RSF1: variants seen among roughly 807,000 people sequenced by gnomAD.
The protein encoded by RSF1 is HBV pX-associated protein 8.
RSF1 carries 13 observed loss-of-function variants against 145.2 expected under a neutral mutation model. The ratio of observed to expected loss-of-function variants is 0.09; its 90% CI spans 0.06 to 0.14. RSF1 has a LOEUF of 0.14. Ranked by LOEUF, RSF1 falls within the 10% of genes least tolerant of loss-of-function variation. The pLI is 1.00. For synonymous variants in RSF1, 577 were observed against 592.6 expected (o/e 0.97, Z 0.38); for missense variants, 1,517 against 1,718.2 (o/e 0.88, Z 2.07).
At chr11:77,722,225 C>T (rs553814557) in intron 5 of RSF1, among the ~76,000 whole-genome samples, 43 of 152,136 alleles carry the variant, frequency 2.8e-4, no homozygotes, top group Non-Finnish European at 4.7e-4. Flanking sequence ...AAATGTCCTG[C>T]TCCTCCTCTT....
chr11:77,864,151 T>A, the RSF1 span, among the ~76,000 whole-genome samples: 1 of 152,238 alleles, frequency 6.6e-6, no homozygotes, highest in African/African-American at 2.4e-5. Context: ...GGTCTCGAAC[T>A]CCTGACCTCA....
At chr11:77,700,265 C>T (rs939067733) in intron 6 of RSF1, among the ~76,000 whole-genome samples, 21 of 139,812 alleles carry the variant, frequency 1.5e-4, no homozygotes, top group African/African-American at 3.4e-4. Context: ...GCAAGAGAAT[C>T]GCTTGAACCA....
At position 77,661,200 on chromosome 11, in the gene RSF1, A is replaced by T. The variant is rs1284811619; in HGVS notation, c.*5717T>A. On this transcript the variant is annotated 3_prime_UTR_variant, in exon 16 of 16. Transcript: ENST00000308488. ...TCAAGCCCTGCTCTACCACCATCTT[A>T]GCATAGGACATACCCTTTCAAAGTG... 6.6e-6 allele frequency: 1 copy of T among 152,168 alleles called. No homozygotes were observed. Among genetic ancestry groups the T allele is most frequent in the Non-Finnish European group, 1.5e-5 (1 of 68,024 alleles). The allele number at this position is 152,168 out of a possible 1,614,324, so 9.4% of individuals were successfully genotyped here.
At chr11:77,739,585 GTTA>G (rs1961457045) in intron 4 of RSF1, 1 of 152,066 alleles carries the variant, frequency 6.6e-6, no homozygotes, top group Admixed American at 6.5e-5. Context: ...TTTTCTACGG[GTTA>G]TTTTTTCAAA....
At chr11:77,827,153 C>T in the RSF1 span, among the ~76,000 whole-genome samples, 4 of 151,872 alleles carry the variant, frequency 2.6e-5, no homozygotes, top group South Asian at 2.1e-4. Context: ...CCTGGCCCCG[C>T]CCCCCTCAGA....
At chr11:77,855,599 G>A in the RSF1 span, 1 of 152,126 alleles carries the variant, frequency 6.6e-6, no homozygotes, top group Admixed American at 6.6e-5. Flanking sequence ...AAAGTGCTGG[G>A]ATTACAGGTG....
chr11:77,699,234 T>G (rs1442908927), intron 6 of RSF1, among the ~76,000 whole-genome samples: 1 of 152,206 alleles, frequency 6.6e-6, no homozygotes, highest in Non-Finnish European at 1.5e-5. Context: ...ATTTTAAATT[T>G]TAAATAAGCC....
intron 1 of RSF1, among the ~76,000 whole-genome samples, chr11:77,775,698 G>A (rs888617029): frequency 2.6e-5 from 4 of 152,220 alleles, no homozygotes; most frequent in African/African-American, 4.8e-5. Context: ...GCTTTGGGAG[G>A]CTGAGGAAGG....
the RSF1 span, among the ~76,000 whole-genome samples, chr11:77,835,600 C>T: frequency 2.0e-5 from 3 of 152,264 alleles, no homozygotes; most frequent in Middle Eastern, 3.4e-3. Context: ...TTTTCCTATG[C>T]ATTTCCTTAT....
Position 77,725,708 on chromosome 11 carries a change from G to A in RSF1, c.579-9C>T, listed in dbSNP as rs754640538. 2.6e-6 allele frequency: 4 copies of A among 1,553,190 alleles called. No individual in the cohort carries two copies. Among genetic ancestry groups the A allele is most frequent in the Admixed American group, 2.0e-5 (1 of 51,236 alleles). ...CCAACTCGTTTCGATTTCTAAACAA[G>A]GAAAAAAATAAGACAGCATAAAAAC... On this transcript the variant is annotated splice_polypyrimidine_tract_variant and intron_variant, in intron 4 of 15. Transcript: ENST00000308488.
In RSF1 at chr11:77,667,008, C is replaced by A; in HGVS notation, c.4235G>T (p.Gly1412Val). 1 of 1,612,906 alleles carries A rather than the reference C, an allele frequency of 6.2e-7. No homozygotes were observed. The highest frequency in any genetic ancestry group is 1.1e-5 in the South Asian group (1 of 91,046). Residue 1412 changes from glycine (G) to valine (V), a missense_variant, in exon 16 of 16, where the codon GGG (glycine) becomes GTG (valine). By Grantham distance (109) the Gly-to-Val change is moderately radical. Coordinates refer to ENST00000308488, the MANE Select transcript of RSF1 (RefSeq NM_016578.4). Reference protein sequence around the residue: ...ASLASNGTSGGQEAGAPEEEE... With the variant: ...ASLASNGTSGVQEAGAPEEEE... ...CTCTTCTGGTGCTCCTGCCTCCTGC[C>A]CACCACTTGTCCCATTGGAGGCTAG...
intron 8 of RSF1, among the ~76,000 whole-genome samples, chr11:77,693,174 C>T (rs1960199413): frequency 6.6e-6 from 1 of 151,820 alleles, no homozygotes; most frequent in Non-Finnish European, 1.5e-5. Flanking sequence ...TAGGTAGAAA[C>T]CAAAAAAGAG....
the RSF1 span, among the ~76,000 whole-genome samples, chr11:77,855,084 G>A: frequency 3.3e-5 from 5 of 152,130 alleles, no homozygotes; most frequent in East Asian, 1.9e-4. Flanking sequence ...TGGAGTGGCC[G>A]TGATGCAGGG....
chr11:77,738,503 T>G (rs913879462), intron 4 of RSF1, among the ~76,000 whole-genome samples: 2 of 152,156 alleles, frequency 1.3e-5, no homozygotes, highest in African/African-American at 4.8e-5. Flanking sequence ...GCTTAAGCAT[T>G]TACACATTTT....
intron 5 of RSF1, among the ~76,000 whole-genome samples, chr11:77,706,936 C>T (rs1326561300): frequency 6.6e-6 from 1 of 152,098 alleles, no homozygotes; most frequent in Admixed American, 6.5e-5. Flanking sequence ...AAGAGTAATA[C>T]CAGGCAAGCA....
intron 2 of RSF1, among the ~76,000 whole-genome samples, chr11:77,752,367 G>A (rs1220043011): frequency 1.3e-5 from 2 of 152,148 alleles, no homozygotes; most frequent in African/African-American, 4.8e-5. Context: ...CACAGCTCAG[G>A]CTGAAAATCC....
chr11:77,821,010 G>GA (rs1297138727), upstream of RSF1: 1 of 403,722 alleles, frequency 2.5e-6, no homozygotes, highest in Non-Finnish European at 4.4e-6. Flanking sequence ...CAGGGGGAAT[G>GA]AAAACAAGGG....
chr11:77,764,516 A>T, intron 2 of RSF1, 82 bp downstream of exon 2: 1 of 796,102 alleles, frequency 1.3e-6, no homozygotes, highest in Non-Finnish European at 2.1e-6. Context: ...ATTAAAAATT[A>T]TGTGTATTAT....
At position 77,675,083 on chromosome 11, in the gene RSF1, G is replaced by C. The variant is rs1247999652; in HGVS notation, c.3515C>G (p.Ser1172Cys). The C allele has an allele frequency of 1.2e-6, 2 of 1,613,826 alleles. No homozygotes were observed. Among genetic ancestry groups the C allele is most frequent in the African/African-American group, 2.7e-5 (2 of 74,898 alleles). The change falls in exon 14 of 16, where the codon TCC becomes TGC. Residue 1172 changes from serine to cysteine, a missense_variant. Ser to Cys is a moderately radical substitution (Grantham distance 112). Around this residue, in one of 12 missense-constraint regions of RSF1, gnomAD observed 231 missense variants for 276.6 expected, o/e 0.84. Transcript: ENST00000308488. ...LRRKTPKKKY[S>C]DDDEEEESEE... The stretch of plus-strand genomic sequence containing the variant: ...AGATTCCTCCTCTTCATCATCATCG[G>C]AATATTTTTTCTTTGGGGTCTTTCT...
Sources: gnomAD v4.1 joint callset for allele counts (sites outside exome capture counted in the v4.1 genomes callset) on GRCh38, gnomAD v4.1.1 for gene constraint, gnomAD v4.1.1 regional missense constraint, MANE v1.5 for transcripts, NCBI Gene and HGNC (gene_info 2026-07-23, HGNC 2026-07-21) for gene names.